The following NXPH2 variants were observed in gnomAD, a reference collection of about 807,000 sequenced individuals.
The protein encoded by NXPH2 is neurexophilin 2.
A neutral mutation model predicts 19.8 loss-of-function variants in NXPH2; 5 were observed. That is an observed-to-expected ratio of 0.25 (90% confidence interval 0.13 to 0.53). The LOEUF is 0.53. Among genes scored for constraint, NXPH2 ranks in the 20% least tolerant of loss-of-function variants. The pLI is 0.96. For synonymous variants in NXPH2, 154 were observed against 127.4 expected (o/e 1.21, Z -1.41); for missense variants, 289 against 322.8 (o/e 0.90, Z 0.80).
intron 1 of NXPH2, among the ~76,000 whole-genome samples, chr2:138,757,279 G>T (rs950589499): frequency 6.7e-4 from 102 of 152,132 alleles, no homozygotes; most frequent in African/African-American, 2.4e-3. Flanking sequence ...TGGGTTAGAT[G>T]GGCCATGAGA....
At chr2:138,773,385 T>C (rs1456677458) in intron 1 of NXPH2, among the ~76,000 whole-genome samples, 4 of 152,180 alleles carry the variant, frequency 2.6e-5, no homozygotes, top group Non-Finnish European at 5.9e-5. Flanking sequence ...TAATACATAT[T>C]CCTGTTATCA....
In NXPH2 at chr2:138,740,767, T is replaced by G. The variant is rs1370507340; in HGVS notation, c.51+39424A>C. On this transcript the variant is annotated intron_variant, in intron 1 of 1. Coordinates refer to ENST00000272641, the MANE Select transcript of NXPH2 (RefSeq NM_007226.3). ...AGTTTAAAGTCTCCTGCTTGCTTTA[T>G]AGATCACAGTAAGAATTAGTTTGCA... 3.3e-5 allele frequency among the ~76,000 whole-genome samples: 5 copies of G among 151,952 alleles called. 1 individual carries two copies. The highest frequency in any genetic ancestry group is 6.6e-5 in the Admixed American group (1 of 15,242).
intron 1 of NXPH2, among the ~76,000 whole-genome samples, chr2:138,694,033 C>T (rs564455451): frequency 1.3e-5 from 2 of 152,172 alleles, no homozygotes; most frequent in Admixed American, 1.3e-4. Flanking sequence ...TTAACCTCAG[C>T]CAATCAAGAG....
rs79521631 is a variant in NXPH2 at position 138,685,583 on chromosome 2, G to A, written c.52-13918C>T. Among the ~76,000 whole-genome samples, 1,014 of 152,308 alleles carry A rather than the reference G, an allele frequency of 6.7e-3. 13 individuals carry two copies. Among genetic ancestry groups the A allele is most frequent in the African/African-American group, 0.023 (946 of 41,558 alleles). On this transcript the variant is annotated intron_variant, in intron 1 of 1. Transcript: ENST00000272641. ...TAGCTTAGCCTAATCTACCTTAAAT[G>A]TGCTCAGAACTCTTACTTTAGTTGG... is the stretch of plus-strand genomic sequence containing the variant.
chr2:138,725,734 TTA>T (rs1480669154), intron 1 of NXPH2, among the ~76,000 whole-genome samples: 1 of 152,322 alleles, frequency 6.6e-6, no homozygotes, highest in Admixed American at 6.5e-5. Flanking sequence ...TGACGGTGAA[TTA>T]TGTTTTCCAG....
intron 1 of NXPH2, among the ~76,000 whole-genome samples, chr2:138,687,236 T>A (rs371705413): frequency 1.5e-4 from 23 of 151,816 alleles, no homozygotes; most frequent in African/African-American, 5.3e-4. Context: ...CTTTTTAATG[T>A]TTGCCATTCT....
At chr2:138,780,061 T>A in intron 1 of NXPH2, 130 bp downstream of exon 1, 1 of 879,450 alleles carries the variant, frequency 1.1e-6, no homozygotes, top group Non-Finnish European at 1.6e-6. Flanking sequence ...CCAAAACTCC[T>A]TGCCCTCCGC....
At chr2:138,755,853 G>A (rs568426376) in intron 1 of NXPH2, among the ~76,000 whole-genome samples, 1 of 151,862 alleles carries the variant, frequency 6.6e-6, no homozygotes, top group East Asian at 1.9e-4. Context: ...TCTTTCATCA[G>A]TGTCTTGTAG....
Position 138,705,610 on chromosome 2 carries a change from G to A in NXPH2, c.52-33945C>T, listed in dbSNP as rs374840992. Among the ~76,000 whole-genome samples, 2 of 152,104 alleles carry A rather than the reference G, an allele frequency of 1.3e-5. 1 individual carries two copies. Among genetic ancestry groups the A allele is most frequent in the South Asian group, 4.1e-4 (2 of 4,826 alleles). On this transcript the variant is annotated intron_variant, in intron 1 of 1. Coordinates refer to ENST00000272641, the MANE Select transcript of NXPH2 (RefSeq NM_007226.3). ...ATTCTACACTATCACTGCCAAGTTGGTCATCCTGCCTGTCTTTGAACGTGG... is the reference window on the plus strand; with the variant it reads ...ATTCTACACTATCACTGCCAAGTTGATCATCCTGCCTGTCTTTGAACGTGG...
At chr2:138,750,142 A>C (rs1163714894) in intron 1 of NXPH2, among the ~76,000 whole-genome samples, 1 of 152,090 alleles carries the variant, frequency 6.6e-6, no homozygotes, top group African/African-American at 2.4e-5. Flanking sequence ...AAAAATAATA[A>C]TGCAGATTTT....
At chr2:138,705,418 G>T (rs1372997561) in intron 1 of NXPH2, among the ~76,000 whole-genome samples, 1 of 152,044 alleles carries the variant, frequency 6.6e-6, no homozygotes, top group African/African-American at 2.4e-5. Context: ...GCTTTTTATA[G>T]TAAAGATGAA....
intron 1 of NXPH2, among the ~76,000 whole-genome samples, chr2:138,761,561 G>T (rs1358530542): frequency 1.3e-5 from 2 of 152,178 alleles, no homozygotes; most frequent in African/African-American, 4.8e-5. Flanking sequence ...AGAAAAAAGT[G>T]CTATTCTGAG....
chr2:138,713,550 T>C (rs974958872), intron 1 of NXPH2, among the ~76,000 whole-genome samples: 3 of 152,168 alleles, frequency 2.0e-5, no homozygotes, highest in African/African-American at 7.2e-5. Context: ...TAAAACCCTT[T>C]CTAAAGCTGG....
intron 1 of NXPH2, among the ~76,000 whole-genome samples, chr2:138,688,028 T>C (rs1187740467): frequency 6.6e-6 from 1 of 152,202 alleles, no homozygotes; most frequent in Non-Finnish European, 1.5e-5. Flanking sequence ...GCGGGCCCTT[T>C]TTTGGTTCCA....
At chr2:138,773,241 G>A (rs1016834280) in intron 1 of NXPH2, among the ~76,000 whole-genome samples, 4 of 152,236 alleles carry the variant, frequency 2.6e-5, no homozygotes, top group Admixed American at 6.5e-5. Context: ...CAGCAACACA[G>A]GAGCAACAGG....
chr2:138,767,304 G>C (rs554524348), intron 1 of NXPH2, among the ~76,000 whole-genome samples: 1 of 152,244 alleles, frequency 6.6e-6, no homozygotes, highest in Non-Finnish European at 1.5e-5. Flanking sequence ...CCCAGGAGCA[G>C]AGACTGAGTC....
At chr2:138,724,442 G>A (rs1019174837) in intron 1 of NXPH2, among the ~76,000 whole-genome samples, 1 of 152,200 alleles carries the variant, frequency 6.6e-6, no homozygotes, top group African/African-American at 2.4e-5. Flanking sequence ...CTGTCAAATG[G>A]GGTGATTGTA....
At chr2:138,775,241 A>G (rs1294128637) in intron 1 of NXPH2, among the ~76,000 whole-genome samples, 1 of 152,186 alleles carries the variant, frequency 6.6e-6, no homozygotes, top group Non-Finnish European at 1.5e-5. Flanking sequence ...TCCTTATTAT[A>G]TACCAATCTT....
chr2:138,747,652 G>A lies in NXPH2; in HGVS notation c.51+32539C>T, dbSNP rs533145755. Among the ~76,000 whole-genome samples, 146 of 152,320 alleles carry A rather than the reference G, an allele frequency of 9.6e-4. 1 individual carries two copies. The Middle Eastern group carries it at 0.014, about 14-fold the overall frequency. On this transcript the variant is annotated intron_variant, in intron 1 of 1. Coordinates refer to ENST00000272641, the MANE Select transcript of NXPH2 (RefSeq NM_007226.3). ...CCATAAGTCTCACCATGCATACGTG[G>A]TAGTGTACTTTAGGATCTTTTATCT...
Sources: allele counts gnomAD v4.1 joint callset (sites outside exome capture counted in the v4.1 genomes callset), GRCh38; gene constraint gnomAD v4.1.1; transcripts MANE v1.5; gene names NCBI Gene and HGNC (gene_info 2026-07-23, HGNC 2026-07-21).